TMEM25: variants seen among roughly 807,000 people sequenced by gnomAD.
TMEM25 encodes the protein transmembrane protein 25.
Under a neutral mutation model 37.0 loss-of-function variants are expected in TMEM25, and 36 were observed. The observed-to-expected ratio is 0.97, with a 90% confidence interval of 0.75 to 1.28. The LOEUF is 1.28. Ranked by LOEUF, TMEM25 falls within the 50% of genes most tolerant of loss-of-function variation. The pLI, the probability that TMEM25 is intolerant of heterozygous loss-of-function variation, is 0.00. For synonymous variants in TMEM25, 197 were observed against 203.7 expected (o/e 0.97, Z 0.28); for missense variants, 444 against 477.9 (o/e 0.93, Z 0.66).
chr11:118,545,802 T>C lies in TMEM25; in HGVS notation c.1028-317T>C, dbSNP rs782052448. On this transcript the variant is annotated intron_variant, in intron 8 of 8. Coordinates refer to the TMEM25 transcript ENST00000354284. ...GGAAAGAGGAACTCACCACAGATCA[T>C]GTCAATGTACTCTGCCAGGCTGCAA... 12 of 1,614,178 alleles carry C rather than the reference T, an allele frequency of 7.4e-6. No individual in the cohort carries two copies. In the East Asian group the frequency reaches 2.2e-4, roughly 30 times the overall value.
At chr11:118,538,006 C>T (rs1358534793), downstream of TMEM25, among the ~76,000 whole-genome samples, 1 of 151,972 alleles carries the variant, frequency 6.6e-6, no homozygotes, top group African/African-American at 2.4e-5. Context: ...ACTGAGATCA[C>T]TCCACTGCAC....
rs1349990833 is a variant in TMEM25 at position 118,535,220 on chromosome 11, T to G, written c.*640T>G. ...CCTCTTGGGAATTCTAGGTTACACG[T>G]TGGACCTTCTCTACTACTTCACTGG... On this transcript the variant is annotated 3_prime_UTR_variant, in exon 9 of 9. Transcript: ENST00000313236. 5 of 1,116,452 alleles carry G rather than the reference T, an allele frequency of 4.5e-6. No individual in the cohort carries two copies. Among genetic ancestry groups the G allele is most frequent in the Non-Finnish European group, 5.5e-6 (5 of 914,006 alleles). The allele number at this position is 1,116,452 out of a possible 1,614,324, so 69.2% of individuals were successfully genotyped here.
chr11:118,534,484 CG>C lies in TMEM25; in HGVS notation c.1028-22del. On this transcript the variant is annotated intron_variant, in intron 8 of 8. Transcript: ENST00000313236. This position sits in a 1 kb window ranked among gnomAD's most constrained non-coding sequence, Gnocchi z 4.6. ...CAAGGAACAAGCGTTACTGAGTCCC[CG>C]CGGGCTTCTTTGATCCCGCAGGTTT... is the stretch of plus-strand genomic sequence containing the variant. 3 of 1,613,938 alleles carry C rather than the reference CG, an allele frequency of 1.9e-6. No individual in the cohort carries two copies. Among genetic ancestry groups the C allele is most frequent in the Non-Finnish European group, 2.5e-6 (3 of 1,179,978 alleles).
chr11:118,536,667 T>C (rs1951514669), downstream of TMEM25, among the ~76,000 whole-genome samples: 1 of 152,186 alleles, frequency 6.6e-6, no homozygotes. Flanking sequence ...TTTCAGGGGC[T>C]CTTGGCTATA....
rs2135411408 is a variant in TMEM25, at chr11:118,534,934, C to G, written c.*354C>G. On this transcript the variant is annotated 3_prime_UTR_variant, in exon 9 of 9. Coordinates refer to ENST00000313236, the MANE Select transcript of TMEM25 (RefSeq NM_032780.4). The surrounding 1 kb of genome is among the most constrained non-coding windows in gnomAD (Gnocchi z 4.6). ...GGCATGGCCTGCTGTATACCCCACC[C>G]CAGTACTCCACAGCACCTTGTACAG... The G allele has an allele frequency of 8.6e-7, 1 of 1,164,698 alleles. No homozygotes were observed. Among genetic ancestry groups the G allele is most frequent in the African/African-American group, 1.6e-5 (1 of 63,044 alleles). The allele number at this position is 1,164,698 out of a possible 1,614,324, so 72.1% of individuals were successfully genotyped here. A position where few individuals can be genotyped will look rare whatever the true frequency, so the allele number is the denominator to read the frequency against.
chr11:118,535,143 C>CT lies in TMEM25; in HGVS notation c.*568dup. ...GCGGTACCGGCCAAGCACAAACGTC[C>CT]TTTTTGCTGCACACGTCTCTGCCCT... On this transcript the variant is annotated 3_prime_UTR_variant, in exon 9 of 9. Coordinates refer to ENST00000313236, the MANE Select transcript of TMEM25 (RefSeq NM_032780.4). 1 of 1,029,752 alleles carries CT rather than the reference C, an allele frequency of 9.7e-7. No homozygotes were observed. Among genetic ancestry groups the CT allele is most frequent in the Non-Finnish European group, 1.2e-6 (1 of 858,882 alleles). The allele number at this position is 1,029,752 out of a possible 1,614,324, so 63.8% of individuals were successfully genotyped here. A position where few individuals can be genotyped will look rare whatever the true frequency, so the allele number is the denominator to read the frequency against.
In TMEM25 at chr11:118,534,448, T is replaced by C; in HGVS notation, c.1028-59T>C. The C allele has an allele frequency of 6.2e-7, 1 of 1,611,430 alleles. No homozygotes were observed. The highest frequency in any genetic ancestry group is 8.5e-7 in the Non-Finnish European group (1 of 1,178,588). On this transcript the variant is annotated intron_variant, in intron 8 of 8. Transcript: ENST00000313236. This position sits in a 1 kb window ranked among gnomAD's most constrained non-coding sequence, Gnocchi z 4.6. The stretch of plus-strand genomic sequence containing the variant: ...CAAGTGCCCAGGAGGCAGAGAGAGC[T>C]CTCCAAATTCCAAGGAACAAGCGTT...
intron 8 of TMEM25, chr11:118,544,889 C>T (rs1402487312): frequency 6.5e-7 from 1 of 1,544,912 alleles, no homozygotes; most frequent in Non-Finnish European, 8.9e-7. Flanking sequence ...GCCAGCTCAG[C>T]CTTGAAACAG....
At position 118,534,291 on chromosome 11, in the gene TMEM25, G is replaced by A. The variant is rs1555061830; in HGVS notation, c.963G>A (p.Met321Ile). ...SRAVKPADRQMAQNNSRPELL... is the reference protein window; with the variant it reads ...SRAVKPADRQIAQNNSRPELL... ...CAGTGAAACCAGCAGACCGGCAGAT[G>A]GCTCAGAACAACAGCCGGCCAGAGC... Residue 321 changes from methionine (M) to isoleucine (I), a missense_variant, in exon 8 of 9, where the codon ATG (methionine) becomes ATA (isoleucine). Transcript: ENST00000313236. The surrounding 1 kb of genome is among the most constrained non-coding windows in gnomAD (Gnocchi z 4.6). The A allele has an allele frequency of 3.1e-6, 5 of 1,614,200 alleles. No individual in the cohort carries two copies. Among genetic ancestry groups the A allele is most frequent in the Non-Finnish European group, 4.2e-6 (5 of 1,180,034 alleles).
At chr11:118,533,575 G>T in intron 5 of TMEM25, 24 bp downstream of exon 5, 1 of 1,613,612 alleles carries the variant, frequency 6.2e-7, no homozygotes, top group Non-Finnish European at 8.5e-7. Context: ...ACTGGGGGCA[G>T]TGTGGATGAG....
At chr11:118,540,655 G>A (rs1055186622), downstream of TMEM25, among the ~76,000 whole-genome samples, 6 of 152,318 alleles carry the variant, frequency 3.9e-5, no homozygotes, top group East Asian at 1.9e-4. Flanking sequence ...CCCAATTCTC[G>A]ATACACATCC....
Position 118,531,835 on chromosome 11 carries a change from C to G in TMEM25, c.34C>G (p.His12Asp). ...ALPPGPAALR[H>D]TLLLLPALLS... ...GCCTCCAGGCCCAGCCGCCCTCCGG[C>G]ACACACTGCTGCTCCTGCCAGCCCT... Residue 12 changes from histidine (H) to aspartate (D), a missense_variant, in exon 2 of 9, where the codon CAC becomes GAC. His to Asp is a moderately conservative substitution (Grantham distance 81). Coordinates refer to ENST00000313236, the MANE Select transcript of TMEM25 (RefSeq NM_032780.4). 6.4e-7 allele frequency: 1 copy of G among 1,551,506 alleles called. No individual in the cohort carries two copies. Among genetic ancestry groups the G allele is most frequent in the Non-Finnish European group, 8.7e-7 (1 of 1,146,988 alleles).
chr11:118,532,154 G>C lies in TMEM25; in HGVS notation c.75G>C (p.Trp25Cys), dbSNP rs35915434. ...AGGCCTCCTGCTGTGTTCCAGGTTG[G>C]GGGGAGTTGGAGCCACAAATAGATG... ...LLLPALLSSG[W>C]GELEPQIDGQ... The change falls in exon 3 of 9, where the codon TGG becomes TGC. Residue 25 changes from tryptophan (W) to cysteine (C), a missense_variant. Transcript: ENST00000313236. 12,847 of 1,561,886 alleles carry C rather than the reference G, an allele frequency of 8.2e-3. 63 individuals are homozygous for C. Among genetic ancestry groups the C allele is most frequent in the Middle Eastern group, 0.021 (120 of 5,796 alleles).
At position 118,532,261 on chromosome 11, in the gene TMEM25, CCA is replaced by C. The variant is rs1951318896; in HGVS notation, c.183_184del (p.Arg62IlefsTer42). ...CGGGTGGCAGGGGGGCCTGGCACCC[CCA>C]GATTGGCCTGGTATCTGGATGGACA... On this transcript the variant is annotated frameshift_variant, in exon 3 of 9. Transcript: ENST00000313236. LOFTEE classifies it high-confidence loss of function. The C allele has an allele frequency of 1.2e-6, 2 of 1,614,038 alleles. No homozygotes were observed. The highest frequency in any genetic ancestry group is 4.5e-5 in the East Asian group (2 of 44,884).
At chr11:118,544,472 C>T (rs1951628052) in intron 8 of TMEM25, 1 of 155,410 alleles carries the variant, frequency 6.4e-6, no homozygotes, top group Non-Finnish European at 1.4e-5. Context: ...TCCTGTGTCT[C>T]TGCGTTATGC....
intron 1 of TMEM25, chr11:118,531,566 G>T (rs1951268933): frequency 1.8e-6 from 1 of 567,922 alleles, no homozygotes; most frequent in South Asian, 2.4e-5. Context: ...GTCAGTGCTC[G>T]CTTCTGCGCC....
Position 118,534,710 on chromosome 11 carries a change from T to C in TMEM25, c.*130T>C. 5 of 1,487,542 alleles carry C rather than the reference T, an allele frequency of 3.4e-6. No homozygotes were observed. Among genetic ancestry groups the C allele is most frequent in the Non-Finnish European group, 4.5e-6 (5 of 1,116,862 alleles). 92.1% of individuals were successfully genotyped at this position (1,487,542 alleles called of 1,614,324 possible). ...TGCCACTTTTGCTTGCCCTCCTGGC[T>C]GGGGTGCCCTCCATGTCATGCACGT... is the stretch of plus-strand genomic sequence containing the variant. On this transcript the variant is annotated 3_prime_UTR_variant, in exon 9 of 9. Coordinates refer to ENST00000313236, the MANE Select transcript of TMEM25 (RefSeq NM_032780.4). This position sits in a 1 kb window ranked among gnomAD's most constrained non-coding sequence, Gnocchi z 4.6.
chr11:118,545,778 G>GA (rs1555066937), intron 8 of TMEM25: 15 of 1,613,098 alleles, frequency 9.3e-6, no homozygotes, highest in African/African-American at 1.3e-5. Context: ...ACGAGGAAAG[G>GA]AAAGAGGAAC....
intron 8 of TMEM25, chr11:118,545,986 C>G: frequency 1.3e-6 from 1 of 761,864 alleles, no homozygotes; most frequent in Non-Finnish European, 2.4e-6. Context: ...CCCTAAAATT[C>G]AGATATTGAG....
Sources: gnomAD v4.1 joint callset for allele counts (sites outside exome capture counted in the v4.1 genomes callset) on GRCh38, gnomAD v4.1.1 for gene constraint, Gnocchi (gnomAD v3.1) non-coding constraint, MANE v1.5 for transcripts, NCBI Gene and HGNC (gene_info 2026-07-23, HGNC 2026-07-21) for gene names.